NRG1: variants seen among roughly 807,000 people sequenced by gnomAD.
NRG1 encodes pro-neuregulin-1, membrane-bound isoform.
NRG1 carries 18 observed loss-of-function variants against 63.8 expected under a neutral mutation model. The ratio of observed to expected loss-of-function variants is 0.28; its 90% CI spans 0.19 to 0.42. The LOEUF is 0.42. Ranked by LOEUF, NRG1 falls within the 10% of genes least tolerant of loss-of-function variation. The pLI, the probability that NRG1 is intolerant of heterozygous loss-of-function variation, is 1.00. For missense variants in NRG1, 762 were observed against 814.7 expected, an observed-to-expected ratio of 0.94 and a Z score of 0.79; for synonymous variants, 302 against 301.3, an observed-to-expected ratio of 1.00 and a Z score of -0.02.
intron 1 of NRG1, among the ~76,000 whole-genome samples, chr8:31,733,921 T>C (rs1295361493): frequency 6.6e-6 from 1 of 152,168 alleles, no homozygotes; most frequent in Non-Finnish European, 1.5e-5. Context: ...GAAATACCTC[T>C]TGTTTGGGTC....
At chr8:32,560,127 C>T (rs1836096075) in intron 1 of NRG1, among the ~76,000 whole-genome samples, 1 of 151,912 alleles carries the variant, frequency 6.6e-6, no homozygotes, top group African/African-American at 2.4e-5. Context: ...AGGTAACTTT[C>T]TACATTCTAT....
chr8:32,175,724 C>T (rs1432772681), intron 1 of NRG1, among the ~76,000 whole-genome samples: 1 of 152,164 alleles, frequency 6.6e-6, no homozygotes, highest in African/African-American at 2.4e-5. Flanking sequence ...AGTGAACTCC[C>T]ATTCACAATT....
intron 5 of NRG1, among the ~76,000 whole-genome samples, chr8:32,716,638 G>C (rs1819298981): frequency 6.6e-6 from 1 of 152,088 alleles, no homozygotes; most frequent in African/African-American, 2.4e-5. Context: ...TGTGTCTGAC[G>C]ATGCAGGAAT....
intron 1 of NRG1, among the ~76,000 whole-genome samples, chr8:32,256,141 A>T (rs958717549): frequency 6.6e-6 from 1 of 151,122 alleles, no homozygotes; most frequent in Non-Finnish European, 1.5e-5. Flanking sequence ...CCTTCCTTGC[A>T]TTGGGAGGAG....
At chr8:31,920,489 T>G (rs1339859033) in intron 1 of NRG1, among the ~76,000 whole-genome samples, 1 of 152,138 alleles carries the variant, frequency 6.6e-6, no homozygotes, top group Non-Finnish European at 1.5e-5. Context: ...ATGGTTTCAT[T>G]GCCAAAAGTT....
intron 1 of NRG1, among the ~76,000 whole-genome samples, chr8:32,482,093 A>T (rs1484069378): frequency 6.6e-6 from 1 of 152,238 alleles, no homozygotes; most frequent in Non-Finnish European, 1.5e-5. Flanking sequence ...GATGACTGGG[A>T]ACAGAACCGT....
intron 1 of NRG1, among the ~76,000 whole-genome samples, chr8:32,256,214 GT>G (rs1360080765): frequency 6.6e-6 from 1 of 152,144 alleles, no homozygotes; most frequent in Non-Finnish European, 1.5e-5. Flanking sequence ...TCTCCATCCA[GT>G]TTTGTTCCCT....
At chr8:32,663,321 G>A (rs145416257) in intron 5 of NRG1, among the ~76,000 whole-genome samples, 1 of 152,074 alleles carries the variant, frequency 6.6e-6, no homozygotes, top group Non-Finnish European at 1.5e-5. Flanking sequence ...CTTTCCTCTA[G>A]GCTTTGACAG....
intron 11 of NRG1, among the ~76,000 whole-genome samples, chr8:32,761,916 G>A (rs1400191844): frequency 6.6e-6 from 1 of 151,528 alleles, no homozygotes; most frequent in Non-Finnish European, 1.5e-5. Flanking sequence ...GTGCTGCCCT[G>A]TAGTCCCAGC....
At chr8:32,669,708 T>C (rs923424673) in intron 5 of NRG1, among the ~76,000 whole-genome samples, 3 of 152,204 alleles carry the variant, frequency 2.0e-5, no homozygotes, top group African/African-American at 7.2e-5. Context: ...GAGGAAGTGA[T>C]TAGGGTTGGT....
chr8:31,775,546 A>G (rs768453248), intron 1 of NRG1, among the ~76,000 whole-genome samples: 6 of 152,166 alleles, frequency 3.9e-5, no homozygotes, highest in Non-Finnish European at 7.4e-5. Context: ...ACTACACAGT[A>G]TATCAATGGA....
At chr8:31,921,583 C>A (rs1212745688) in intron 1 of NRG1, among the ~76,000 whole-genome samples, 3 of 152,138 alleles carry the variant, frequency 2.0e-5, no homozygotes, top group Non-Finnish European at 1.5e-5. Flanking sequence ...TTCCCTCTGA[C>A]CTCTGTGTGA....
At chr8:32,341,189 T>C (rs1439298992) in intron 1 of NRG1, among the ~76,000 whole-genome samples, 5 of 152,228 alleles carry the variant, frequency 3.3e-5, no homozygotes, top group Non-Finnish European at 1.5e-5. Context: ...TGTTCCAAGA[T>C]AACGTGCAGA....
chr8:31,964,480 G>C lies in NRG1; in HGVS notation c.37+325049G>C, dbSNP rs148491989. 2.6e-5 allele frequency among the ~76,000 whole-genome samples: 4 copies of C among 152,288 alleles called. No individual in the cohort carries two copies. In the East Asian group the frequency reaches 7.8e-4, roughly 30 times the overall value. On this transcript the variant is annotated intron_variant, in intron 1 of 10. Coordinates refer to the NRG1 transcript ENST00000519301. Reference sequence around the variant, plus strand: ...AGCTCAGGAGTTCTAGACCAGCCTGGTGAGACCTTTATCTCTACAAAAATA... The same window carrying C: ...AGCTCAGGAGTTCTAGACCAGCCTGCTGAGACCTTTATCTCTACAAAAATA...
chr8:31,674,945 C>A (rs886744596), intron 1 of NRG1, among the ~76,000 whole-genome samples: 1 of 152,218 alleles, frequency 6.6e-6, no homozygotes, highest in Non-Finnish European at 1.5e-5. Flanking sequence ...ATGCAGGACC[C>A]TTCTCTGAGG....
intron 1 of NRG1, among the ~76,000 whole-genome samples, chr8:32,050,483 CAT>C (rs1330234072): frequency 2.0e-5 from 3 of 152,080 alleles, no homozygotes; most frequent in Non-Finnish European, 2.9e-5. Flanking sequence ...ATTGACCAAA[CAT>C]GTGATCAAAA....
In NRG1 at chr8:32,403,286, C is replaced by T. The variant is rs191748903; in HGVS notation, c.38-192542C>T. Among the ~76,000 whole-genome samples, 529 of 117,076 alleles carry T rather than the reference C, an allele frequency of 4.5e-3. 3 individuals carry two copies. Among genetic ancestry groups the T allele is most frequent in the Admixed American group, 5.9e-3 (54 of 9,206 alleles). 76.8% of individuals were successfully genotyped at this position (117,076 alleles called of 152,430 possible). A position where few individuals can be genotyped will look rare whatever the true frequency, so the allele number is the denominator to read the frequency against. On this transcript the variant is annotated intron_variant, in intron 1 of 10. Transcript: ENST00000519301. ...CTGCACTCCAGCCTGGGCGACAGAG[C>T]GACACTCTGTCTCAAAAAAAAAAAA...
chr8:31,746,070 TAA>T (rs1437905783), intron 1 of NRG1, among the ~76,000 whole-genome samples: 1 of 151,838 alleles, frequency 6.6e-6, no homozygotes, highest in Non-Finnish European at 1.5e-5. Context: ...GGTTGAATCT[TAA>T]AGACTTTTTT....
At chr8:32,157,146 G>A (rs1022767032) in intron 1 of NRG1, among the ~76,000 whole-genome samples, 2 of 151,084 alleles carry the variant, frequency 1.3e-5, no homozygotes, top group African/African-American at 2.4e-5. Context: ...CAAGGCGGGC[G>A]GATCACTTGA....
Sources: gnomAD v4.1 joint callset for allele counts (sites outside exome capture counted in the v4.1 genomes callset) on GRCh38, gnomAD v4.1.1 for gene constraint, MANE v1.5 for transcripts, NCBI Gene and HGNC (gene_info 2026-07-23, HGNC 2026-07-21) for gene names.